RALYL: variants seen among roughly 807,000 people sequenced by gnomAD.
The protein encoded by RALYL is RNA-binding Raly-like protein.
Under a neutral mutation model 35.1 loss-of-function variants are expected in RALYL, and 29 were observed. The observed-to-expected ratio is 0.83, with a 90% confidence interval of 0.61 to 1.13. RALYL has a LOEUF of 1.13. Among genes scored for constraint, RALYL ranks in the 50% most tolerant of loss-of-function variants. The pLI is 0.00. For synonymous variants in RALYL, 120 were observed against 127.6 expected (o/e 0.94, Z 0.40); for missense variants, 359 against 360.4 (o/e 1.00, Z 0.03).
chr8:84,534,510 T>TA (rs1404964064), intron 2 of RALYL, among the ~76,000 whole-genome samples: 1 of 152,210 alleles, frequency 6.6e-6, no homozygotes, highest in Non-Finnish European at 1.5e-5. Flanking sequence ...ACGGAATATA[T>TA]ATGTTTTTAC....
chr8:84,234,259 C>A (rs775113182), intron 1 of RALYL, among the ~76,000 whole-genome samples: 3 of 152,010 alleles, frequency 2.0e-5, no homozygotes, highest in Non-Finnish European at 4.4e-5. Context: ...GCAGATTGGC[C>A]CATTTGTTCA....
At chr8:84,406,312 T>G (rs1313603854) in intron 1 of RALYL, among the ~76,000 whole-genome samples, 1 of 152,112 alleles carries the variant, frequency 6.6e-6, no homozygotes, top group Non-Finnish European at 1.5e-5. Context: ...CTTATTCTCT[T>G]TCCAGAGAGA....
At chr8:84,835,221 C>G (rs1311355625) in intron 4 of RALYL, among the ~76,000 whole-genome samples, 1 of 152,012 alleles carries the variant, frequency 6.6e-6, no homozygotes, top group Non-Finnish European at 1.5e-5. Flanking sequence ...TACAAATTAG[C>G]TAAGTGACAA....
At chr8:84,664,112 G>T (rs900608202) in intron 2 of RALYL, among the ~76,000 whole-genome samples, 3 of 152,080 alleles carry the variant, frequency 2.0e-5, no homozygotes, top group Non-Finnish European at 4.4e-5. Context: ...GTTTGTCAAA[G>T]ATCAGATGGT....
intron 1 of RALYL, among the ~76,000 whole-genome samples, chr8:84,501,662 G>A (rs1284022079): frequency 6.6e-6 from 1 of 151,744 alleles, no homozygotes; most frequent in Non-Finnish European, 1.5e-5. Context: ...ATCGACCCAT[G>A]TCTATATTTA....
At chr8:84,495,520 C>T (rs1398427930) in intron 1 of RALYL, among the ~76,000 whole-genome samples, 3 of 151,826 alleles carry the variant, frequency 2.0e-5, no homozygotes, top group African/African-American at 7.3e-5. Flanking sequence ...AAGAAATACA[C>T]CTTGAAATTA....
intron 1 of RALYL, among the ~76,000 whole-genome samples, chr8:84,355,180 G>A (rs1277849795): frequency 2.7e-5 from 4 of 150,236 alleles, no homozygotes; most frequent in Admixed American, 6.6e-5. Flanking sequence ...GGTCTTAAAA[G>A]TTCATTCTTC....
chr8:84,436,838 A>T (rs1393397692), intron 1 of RALYL, among the ~76,000 whole-genome samples: 1 of 151,440 alleles, frequency 6.6e-6, no homozygotes, highest in African/African-American at 2.4e-5. Context: ...TTAACATAAG[A>T]TCTACCCTCT....
At chr8:84,326,679 TTAC>T (rs1340284676) in intron 1 of RALYL, among the ~76,000 whole-genome samples, 1 of 152,202 alleles carries the variant, frequency 6.6e-6, no homozygotes, top group Admixed American at 6.5e-5. Context: ...TATTTATGAA[TTAC>T]TACATTAAGT....
intron 2 of RALYL, among the ~76,000 whole-genome samples, chr8:84,589,098 A>G (rs1217597922): frequency 6.6e-6 from 1 of 152,014 alleles, no homozygotes; most frequent in Non-Finnish European, 1.5e-5. Flanking sequence ...GGGTTTCACC[A>G]TGCTGGTCAG....
chr8:84,539,202 T>C (rs2059822058), intron 2 of RALYL, among the ~76,000 whole-genome samples: 1 of 152,124 alleles, frequency 6.6e-6, no homozygotes, highest in South Asian at 2.1e-4. Context: ...TGCTGTTGTC[T>C]TGTCTGTAAA....
intron 2 of RALYL, among the ~76,000 whole-genome samples, chr8:84,620,289 A>C (rs28816830): frequency 6.6e-6 from 1 of 150,756 alleles, no homozygotes; most frequent in African/African-American, 2.5e-5. Context: ...GGCTTTGCTC[A>C]TTTCTTTTTA....
In RALYL at chr8:84,717,005, GGTAAAACCCTCTCTC is replaced by G. The variant is rs1255938590; in HGVS notation, c.257-57573_257-57559del. Reference sequence around the variant, plus strand: ...AGTTTGAGACCAGCTTGACCAACATGGTAAAACCCTCTCTCTACTAAAAATACAAAAATTAGCCAT... The same window carrying G: ...AGTTTGAGACCAGCTTGACCAACATGTACTAAAAATACAAAAATTAGCCAT... On this transcript the variant is annotated intron_variant, in intron 2 of 8. Coordinates refer to ENST00000521268, the MANE Select transcript of RALYL (RefSeq NM_173848.7). Among the ~76,000 whole-genome samples the G allele has an allele frequency of 5.9e-5, 9 of 151,938 alleles. No homozygotes were observed. The East Asian group carries it at 1.7e-3, about 29-fold the overall frequency.
intron 2 of RALYL, among the ~76,000 whole-genome samples, chr8:84,731,010 T>G (rs911004089): frequency 6.6e-6 from 1 of 151,884 alleles, no homozygotes; most frequent in African/African-American, 2.4e-5. Context: ...AAATAGGGGA[T>G]AGAGGAGAAG....
intron 2 of RALYL, among the ~76,000 whole-genome samples, chr8:84,619,380 T>A (rs1308014372): frequency 3.3e-5 from 5 of 150,732 alleles, no homozygotes; most frequent in Non-Finnish European, 4.4e-5. Context: ...TTTTTGTTGG[T>A]TTAAAGTCTG....
chr8:84,676,539 G>A (rs1160411582), intron 2 of RALYL, among the ~76,000 whole-genome samples: 3 of 152,266 alleles, frequency 2.0e-5, no homozygotes, highest in East Asian at 1.9e-4. Flanking sequence ...ATGAGTCCAT[G>A]AGATAACTGA....
At chr8:84,732,762 T>A (rs1846483931) in intron 2 of RALYL, among the ~76,000 whole-genome samples, 1 of 151,354 alleles carries the variant, frequency 6.6e-6, no homozygotes, top group Non-Finnish European at 1.5e-5. Context: ...AGTGGCGCTA[T>A]CTTGGCTCAC....
At chr8:84,635,256 C>G (rs1449033604) in intron 2 of RALYL, among the ~76,000 whole-genome samples, 4 of 151,592 alleles carry the variant, frequency 2.6e-5, no homozygotes, top group Non-Finnish European at 5.9e-5. Flanking sequence ...CTACAATATG[C>G]TGGAAAAAGG....
chr8:84,376,537 A>T (rs16919777), intron 1 of RALYL, among the ~76,000 whole-genome samples: 26,159 of 151,742 alleles, frequency 0.17, 3,265 homozygotes, highest in African/African-American at 0.36. Context: ...GAGGCTAGCA[A>T]GTATAAGGCA....
Sources: gnomAD v4.1 joint callset for allele counts (sites outside exome capture counted in the v4.1 genomes callset) on GRCh38, gnomAD v4.1.1 for gene constraint, MANE v1.5 for transcripts, NCBI Gene and HGNC (gene_info 2026-07-23, HGNC 2026-07-21) for gene names.